Variants in POC1A observed in about 807,000 individuals in gnomAD.
POC1A encodes POC1 centriolar protein A.
Under a neutral mutation model 47.8 loss-of-function variants are expected in POC1A, and 34 were observed. The ratio of observed to expected loss-of-function variants is 0.71; its 90% CI spans 0.54 to 0.95. The LOEUF (loss-of-function observed/expected upper bound fraction) is 0.95. Among genes scored for constraint, POC1A ranks in the 40% least tolerant of loss-of-function variants. POC1A has a pLI of 0.00. For missense variants in POC1A, 466 were observed against 528.3 expected, an observed-to-expected ratio of 0.88 and a Z score of 1.16; for synonymous variants, 177 against 207.6, an observed-to-expected ratio of 0.85 and a Z score of 1.27.
chr3:52,106,322 G>T (rs1703184432), intron 9 of POC1A, among the ~76,000 whole-genome samples: 1 of 152,022 alleles, frequency 6.6e-6, no homozygotes, highest in African/African-American at 2.4e-5. Flanking sequence ...TTGACCTCAG[G>T]CCCCTGCCTA....
intron 9 of POC1A, among the ~76,000 whole-genome samples, chr3:52,109,236 A>C (rs1703295697): frequency 1.3e-5 from 2 of 152,200 alleles, no homozygotes; most frequent in Non-Finnish European, 2.9e-5. Flanking sequence ...ATTTCATTGG[A>C]TGTGATAAGA....
At chr3:52,152,170 G>C (rs1430638522) in intron 1 of POC1A, among the ~76,000 whole-genome samples, 1 of 152,180 alleles carries the variant, frequency 6.6e-6, no homozygotes, top group African/African-American at 2.4e-5. Context: ...AGCTACTCAG[G>C]AGGGTGAGGT....
chr3:52,103,477 G>A (rs1703067442), intron 9 of POC1A, among the ~76,000 whole-genome samples: 1 of 152,122 alleles, frequency 6.6e-6, no homozygotes, highest in Non-Finnish European at 1.5e-5. Context: ...AGTGAGTCGA[G>A]AATATGCCAA....
intron 7 of POC1A, among the ~76,000 whole-genome samples, chr3:52,131,056 C>T (rs1175315796): frequency 6.6e-6 from 1 of 152,100 alleles, no homozygotes; most frequent in Non-Finnish European, 1.5e-5. Flanking sequence ...GCACCGTGTG[C>T]AGCTCAGTCA....
chr3:52,089,960 T>TG (rs1702591244), intron 10 of POC1A, among the ~76,000 whole-genome samples: 3 of 37,446 alleles, frequency 8.0e-5, no homozygotes, highest in African/African-American at 2.4e-4. Context: ...AGGACTACCA[T>TG]GGGGGTGGGG....
At chr3:52,150,119 G>A in intron 2 of POC1A, 132 bp from the exon 3 acceptor site, 1 of 696,728 alleles carries the variant, frequency 1.4e-6, no homozygotes, top group South Asian at 1.8e-5. Context: ...ACCGTGAGAA[G>A]TCTCCCATGG....
intron 6 of POC1A, among the ~76,000 whole-genome samples, chr3:52,143,623 A>G (rs889641764): frequency 6.6e-6 from 1 of 151,648 alleles, no homozygotes; most frequent in African/African-American, 2.4e-5. Flanking sequence ...TGGCCCCTCC[A>G]CCCCAACAGG....
intron 10 of POC1A, among the ~76,000 whole-genome samples, chr3:52,095,771 C>A (rs1428580257): frequency 6.6e-6 from 1 of 152,246 alleles, no homozygotes; most frequent in African/African-American, 2.4e-5. Flanking sequence ...CCCATGGCCT[C>A]TCCAGAGCCA....
chr3:52,096,765 CTG>C (rs1682788601), intron 9 of POC1A, 53 bp from the exon 10 acceptor site: 1 of 1,456,426 alleles, frequency 6.9e-7, no homozygotes, highest in Non-Finnish European at 9.1e-7. Flanking sequence ...TGAAGAAATA[CTG>C]TGAGAGGAAT....
intron 9 of POC1A, among the ~76,000 whole-genome samples, chr3:52,097,855 T>C (rs1702874926): frequency 1.3e-5 from 2 of 152,242 alleles, no homozygotes. Flanking sequence ...ACTTCGGCCA[T>C]CAGGGCTGGG....
At chr3:52,119,799 G>A (rs1192454062) in intron 9 of POC1A, among the ~76,000 whole-genome samples, 1 of 152,160 alleles carries the variant, frequency 6.6e-6, no homozygotes, top group Non-Finnish European at 1.5e-5. Context: ...ATCCCACAAT[G>A]CACAAAACAG....
At chr3:52,082,805 C>T (rs1702343906) in intron 10 of POC1A, among the ~76,000 whole-genome samples, 1 of 152,126 alleles carries the variant, frequency 6.6e-6, no homozygotes, top group Non-Finnish European at 1.5e-5. Flanking sequence ...AGAGACATGT[C>T]TGGCACCTGG....
At chr3:52,146,214 A>C (rs1445667943) in intron 5 of POC1A, among the ~76,000 whole-genome samples, 1 of 152,218 alleles carries the variant, frequency 6.6e-6, no homozygotes, top group Non-Finnish European at 1.5e-5. Context: ...TTTTCAATAC[A>C]AGTTGAGAGA....
At chr3:52,154,244 C>A (rs1035835194) in intron 1 of POC1A, 111 bp downstream of exon 1, 1 of 1,226,772 alleles carries the variant, frequency 8.2e-7, no homozygotes, top group Non-Finnish European at 1.1e-6. Flanking sequence ...AGAGGACCAC[C>A]CTGGAACCTG....
intron 6 of POC1A, among the ~76,000 whole-genome samples, chr3:52,138,605 G>A (rs1315277246): frequency 9.8e-5 from 15 of 152,318 alleles, no homozygotes; most frequent in South Asian, 4.1e-4. Flanking sequence ...AGCACCAAGC[G>A]GTCAAGCTGG....
chr3:52,113,075 T>C (rs1484940276), intron 9 of POC1A, among the ~76,000 whole-genome samples: 2 of 152,228 alleles, frequency 1.3e-5, no homozygotes, highest in African/African-American at 4.8e-5. Flanking sequence ...CTTACCATGA[T>C]AACTGTCAAA....
chr3:52,123,331 G>A (rs1703865528), intron 8 of POC1A, among the ~76,000 whole-genome samples: 1 of 152,248 alleles, frequency 6.6e-6, no homozygotes. Flanking sequence ...TGCTGGCCAT[G>A]CATGACGGTG....
intron 6 of POC1A, among the ~76,000 whole-genome samples, 168 bp from the exon 7 acceptor site, chr3:52,138,470 G>A (rs1404496390): frequency 6.6e-6 from 1 of 152,222 alleles, no homozygotes; most frequent in Non-Finnish European, 1.5e-5. Context: ...GATTTCCCAG[G>A]AGAGGGGCAC....
intron 9 of POC1A, among the ~76,000 whole-genome samples, chr3:52,102,962 G>A (rs1703048685): frequency 6.6e-6 from 1 of 152,166 alleles, no homozygotes. Context: ...TCAAGACTTA[G>A]TCTAAAACTA....
Sources: allele counts gnomAD v4.1 joint callset (sites outside exome capture counted in the v4.1 genomes callset), GRCh38; gene constraint gnomAD v4.1.1; transcripts MANE v1.5; gene names NCBI Gene and HGNC (gene_info 2026-07-23, HGNC 2026-07-21).